Variants in MTCL1 observed in about 807,000 individuals in gnomAD.
MTCL1 encodes the protein microtubule cross-linking factor 1.
MTCL1 carries 79 observed loss-of-function variants against 141.4 expected under a neutral mutation model. That is an observed-to-expected ratio of 0.56 (90% confidence interval 0.47 to 0.67). The LOEUF is 0.67. Ranked by LOEUF, MTCL1 falls within the 30% of genes least tolerant of loss-of-function variation. MTCL1 has a pLI of 0.00. For synonymous variants in MTCL1, 914 were observed against 875.8 expected (o/e 1.04, Z -0.77); for missense variants, 2,177 against 2,113.9 (o/e 1.03, Z -0.59).
intron 11 of MTCL1, chr18:8,809,888 G>GA (rs1209696595): frequency 2.8e-6 from 1 of 359,052 alleles, no homozygotes; most frequent in Non-Finnish European, 5.2e-6. Flanking sequence ...GAGGAGGTGG[G>GA]AGGCAGGGCC....
chr18:8,740,440 C>A (rs28480311), intron 4 of MTCL1, among the ~76,000 whole-genome samples: 64 of 152,214 alleles, frequency 4.2e-4, no homozygotes, highest in Middle Eastern at 3.4e-3. Flanking sequence ...AGATACCATG[C>A]GGCCCAAGGA....
intron 4 of MTCL1, among the ~76,000 whole-genome samples, chr18:8,762,018 T>C (rs1487985411): frequency 2.0e-5 from 3 of 152,256 alleles, no homozygotes; most frequent in African/African-American, 7.2e-5. Context: ...ATTTCATTCC[T>C]TTCTATGTCT....
At chr18:8,717,818 G>T (rs1383590452) in intron 1 of MTCL1, 2 of 803,758 alleles carry the variant, frequency 2.5e-6, no homozygotes, top group Non-Finnish European at 3.0e-6. Context: ...AAAGAGTGGA[G>T]GTGTGGGAAA....
chr18:8,825,355 A>C (rs1342558217), exon 15 of MTCL1: 29 of 1,538,128 alleles, frequency 1.9e-5, no homozygotes, highest in Non-Finnish European at 2.4e-5. Context: ...AACTTGAGTG[A>C]TGACATGAAG....
chr18:8,720,315 A>G (rs200426288), intron 3 of MTCL1, 23 bp from the exon 3 acceptor site: 561 of 1,613,344 alleles, frequency 3.5e-4, no homozygotes, highest in Middle Eastern at 1.8e-3. Flanking sequence ...TATCCTGATA[A>G]TGATCTCTGT....
intron 1 of MTCL1, among the ~76,000 whole-genome samples, chr18:8,711,071 GA>G (rs1431535946): frequency 1.3e-5 from 2 of 151,606 alleles, no homozygotes; most frequent in Non-Finnish European, 2.9e-5. Context: ...CCCAGAGTGT[GA>G]TATTCCCCTT....
intron 4 of MTCL1, among the ~76,000 whole-genome samples, chr18:8,732,247 G>C (rs1321795125): frequency 2.0e-5 from 3 of 152,034 alleles, no homozygotes; most frequent in African/African-American, 7.2e-5. Context: ...ACCACACCCG[G>C]CTAATTTTTT....
intron 5 of MTCL1, among the ~76,000 whole-genome samples, chr18:8,778,660 G>C (rs376997294): frequency 6.6e-6 from 1 of 152,218 alleles, no homozygotes; most frequent in Non-Finnish European, 1.5e-5. Context: ...TCATTCAAGG[G>C]GGGGCAGGCC....
At chr18:8,718,626 G>T in exon 3 of MTCL1, 1 of 1,613,136 alleles carries the variant, frequency 6.2e-7, no homozygotes, top group Non-Finnish European at 8.5e-7. Context: ...GAGCTTATTC[G>T]AAGCCTGGAG....
Position 8,705,995 on chromosome 18 carries a change from C to G in MTCL1, c.335C>G (p.Pro112Arg). 1 of 1,150,926 alleles carries G rather than the reference C, an allele frequency of 8.7e-7. No individual in the cohort carries two copies. Among genetic ancestry groups the G allele is most frequent in the Non-Finnish European group, 1.1e-6 (1 of 937,574 alleles). 71.3% of individuals were successfully genotyped at this position (1,150,926 alleles called of 1,614,324 possible). A position where few individuals can be genotyped will look rare whatever the true frequency, so the allele number is the denominator to read the frequency against. Residue 112 changes from proline to arginine, a missense_variant, in exon 1 of 14, where the codon CCG (proline) becomes CGG (arginine). Physicochemically the swap from Pro to Arg is moderately radical, Grantham distance 103 (BLOSUM62 -2). Transcript: ENST00000306329. This position sits in a 1 kb window ranked among gnomAD's most constrained non-coding sequence, Gnocchi z 5.2. ...GTCCCGGGCGCGAAGGACAAGCCCC[C>G]GCCGGGCGCCGGGGCCAGAGCGGCG...
intron 4 of MTCL1, among the ~76,000 whole-genome samples, chr18:8,733,737 A>T (rs1056827723): frequency 2.0e-5 from 3 of 152,096 alleles, no homozygotes; most frequent in Non-Finnish European, 4.4e-5. Context: ...GAGAACCTCA[A>T]GCATTGGCAC....
At chr18:8,796,506 C>G (rs776679871) in intron 9 of MTCL1, 44 bp downstream of exon 8, 1 of 1,589,508 alleles carries the variant, frequency 6.3e-7, no homozygotes, top group South Asian at 1.1e-5. Context: ...CTGTTTTGTC[C>G]TTGACCCCAG....
At chr18:8,753,043 C>T (rs1307939542) in intron 4 of MTCL1, among the ~76,000 whole-genome samples, 2 of 152,146 alleles carry the variant, frequency 1.3e-5, no homozygotes, top group Non-Finnish European at 2.9e-5. Flanking sequence ...GCTATAAGAC[C>T]AGGTGGCCTC....
chr18:8,738,618 T>A (rs1447243284), intron 4 of MTCL1, among the ~76,000 whole-genome samples: 1 of 152,200 alleles, frequency 6.6e-6, no homozygotes, highest in Non-Finnish European at 1.5e-5. Flanking sequence ...ATAGAGACAC[T>A]TCTTTTGAGT....
At chr18:8,725,776 CTTTTTTTTTTTTTCTTT>C (rs200011213) in intron 4 of MTCL1, among the ~76,000 whole-genome samples, 42,976 of 110,910 alleles carry the variant, frequency 0.39, 7,361 homozygotes, top group Admixed American at 0.52. Context: ...GTGCCATTTT[CTTTTTTTTTTTTTCTTT>C]TTTTTTTTTT....
intron 5 of MTCL1, chr18:8,781,945 ACTTGGTCGTAGGTGTTGGGCTGAG>A (rs1271730919): frequency 6.6e-6 from 1 of 152,318 alleles, no homozygotes; most frequent in Non-Finnish European, 1.5e-5. Flanking sequence ...GTGGCTGCAC[ACTTGGTCGTAGGTGTTGGGCTGAG>A]CCTTCCTGGT....
rs690386 is a variant in MTCL1 at position 8,810,515 on chromosome 18, G to A, written c.2605-2464G>A. On this transcript the variant is annotated intron_variant, in intron 11 of 16. Transcript: ENST00000359865. The surrounding 1 kb of genome is among the most constrained non-coding windows in gnomAD (Gnocchi z 5.0). ...AAAGCGGGTGAGCAGAAGTGATGTG[G>A]GGCCCAGGAAGGGGTACGCTGCATG... Among the ~76,000 whole-genome samples, 49,701 of 152,024 alleles carry A rather than the reference G, an allele frequency of 0.33. 8,478 individuals are homozygous for A. Among genetic ancestry groups the A allele is most frequent in the East Asian group, 0.55 (2,835 of 5,146 alleles).
chr18:8,786,375 C>T (rs1568036373), intron 7 of MTCL1: 1 of 652,242 alleles, frequency 1.5e-6, no homozygotes, highest in Non-Finnish European at 2.8e-6. Context: ...TGGAAGTAGG[C>T]TGATTGGTGA....
At chr18:8,725,191 A>G (rs1347165098) in intron 4 of MTCL1, among the ~76,000 whole-genome samples, 1 of 152,118 alleles carries the variant, frequency 6.6e-6, no homozygotes, top group Non-Finnish European at 1.5e-5. Context: ...ATACGGGACT[A>G]TATACATGTT....
Sources: allele counts gnomAD v4.1 joint callset (sites outside exome capture counted in the v4.1 genomes callset), GRCh38; gene constraint gnomAD v4.1.1; non-coding constraint Gnocchi (gnomAD v3.1); transcripts MANE v1.5; gene names NCBI Gene and HGNC (gene_info 2026-07-23, HGNC 2026-07-21).